UBE2D1: variants seen among roughly 807,000 people sequenced by gnomAD.
UBE2D1 encodes ubiquitin-conjugating enzyme E2 D1.
UBE2D1 carries 9 observed loss-of-function variants against 24.6 expected under a neutral mutation model. That is an observed-to-expected ratio of 0.37 (90% CI 0.22 to 0.64). UBE2D1 has a LOEUF of 0.64. UBE2D1 is among the 30% of genes least tolerant of loss of function. The pLI, the probability that UBE2D1 is intolerant of heterozygous loss-of-function variation, is 0.64. For missense variants in UBE2D1, 87 were observed against 177.1 expected (o/e 0.49, Z 2.89); for synonymous variants, 57 against 57.6 (o/e 0.99, Z 0.04).
intron 1 of UBE2D1, among the ~76,000 whole-genome samples, chr10:58,342,834 G>GTT (rs775705117): frequency 1.4e-3 from 181 of 126,734 alleles, no homozygotes; most frequent in African/African-American, 4.8e-3. Context: ...TTTTTTTTTT[G>GTT]TTTTTTTTTT....
At chr10:58,339,616 G>A (rs1437775095) in intron 1 of UBE2D1, among the ~76,000 whole-genome samples, 1 of 152,074 alleles carries the variant, frequency 6.6e-6, no homozygotes, top group East Asian at 1.9e-4. Context: ...GTATACCCAA[G>A]AGGTAGAAAC....
At chr10:58,368,238 T>C (rs1021593544) in intron 6 of UBE2D1, 36 of 377,370 alleles carry the variant, frequency 9.5e-5, no homozygotes, top group African/African-American at 6.1e-4. Flanking sequence ...ATACTCTGTA[T>C]TTGAAAAATA....
At chr10:58,359,162 A>T (rs987883453) in intron 1 of UBE2D1, among the ~76,000 whole-genome samples, 1 of 151,746 alleles carries the variant, frequency 6.6e-6, no homozygotes, top group Non-Finnish European at 1.5e-5. Context: ...TCCCTGTCAC[A>T]CCCTCCTTCT....
rs557704093 is a variant in UBE2D1 at position 58,357,360 on chromosome 10, G to A, written c.25-3978G>A. 2.6e-5 allele frequency among the ~76,000 whole-genome samples: 4 copies of A among 152,244 alleles called. No homozygotes were observed. In the South Asian group the frequency reaches 8.3e-4, roughly 32 times the overall value. ...GAGAAAGCATAGATCAGGTAGTAAGGCAGTTCCAGAAAAACTTAGAGTAAT... is the reference window on the plus strand; with the variant it reads ...GAGAAAGCATAGATCAGGTAGTAAGACAGTTCCAGAAAAACTTAGAGTAAT... On this transcript the variant is annotated intron_variant, in intron 1 of 6. Transcript: ENST00000373910.
intron 1 of UBE2D1, among the ~76,000 whole-genome samples, chr10:58,344,037 A>G (rs1839989759): frequency 1.3e-5 from 2 of 152,186 alleles, no homozygotes; most frequent in South Asian, 4.1e-4. Flanking sequence ...TAAGTTGTGT[A>G]TAATTTCCTG....
At chr10:58,336,976 G>A (rs1200908672) in intron 1 of UBE2D1, among the ~76,000 whole-genome samples, 1 of 152,154 alleles carries the variant, frequency 6.6e-6, no homozygotes, top group East Asian at 1.9e-4. Flanking sequence ...TTTGTCCACA[G>A]TAAGTGGATA....
intron 1 of UBE2D1, 63 bp from the exon 2 acceptor site, chr10:58,361,275 T>A: frequency 6.5e-7 from 1 of 1,536,262 alleles, no homozygotes; most frequent in Admixed American, 1.7e-5. Flanking sequence ...TCTTAATGGA[T>A]CATTACCCTT....
chr10:58,363,086 G>A (rs1840217933), intron 3 of UBE2D1, among the ~76,000 whole-genome samples: 1 of 151,900 alleles, frequency 6.6e-6, no homozygotes, highest in African/African-American at 2.4e-5. Flanking sequence ...ATTACTAAAC[G>A]AAGATTTGGC....
chr10:58,343,389 A>AGT (rs149785200), intron 1 of UBE2D1, among the ~76,000 whole-genome samples: 14 of 147,820 alleles, frequency 9.5e-5, no homozygotes, highest in East Asian at 7.7e-4. Context: ...AATTTGTTTT[A>AGT]GTGTGTGTGT....
In UBE2D1 at chr10:58,369,168, C is replaced by T. The variant is rs1840287889; in HGVS notation, c.*403C>T. 1 of 153,884 alleles carries T rather than the reference C, an allele frequency of 6.5e-6. No individual in the cohort carries two copies. Among genetic ancestry groups the T allele is most frequent in the Non-Finnish European group, 1.5e-5 (1 of 68,862 alleles). The allele number at this position is 153,884 out of a possible 1,614,324, so 9.5% of individuals were successfully genotyped here. Reference sequence around the variant, plus strand: ...GTATTCAGATTTCATTCTTTGTTAGCTCACTTTATAATTTGTATTTTTTTA... The same window carrying T: ...GTATTCAGATTTCATTCTTTGTTAGTTCACTTTATAATTTGTATTTTTTTA... On this transcript the variant is annotated 3_prime_UTR_variant, in exon 7 of 7. Transcript: ENST00000373910.
rs963010995 is a variant in UBE2D1 at position 58,369,252 on chromosome 10, G to A, written c.*487G>A. On this transcript the variant is annotated 3_prime_UTR_variant, in exon 7 of 7. Coordinates refer to ENST00000373910, the MANE Select transcript of UBE2D1 (RefSeq NM_003338.5). ...TGTCAACTCATTACTTTTTTCCTGT[G>A]AACAGTATTGAAAAACCCCAACGGC... 6.6e-6 allele frequency: 1 copy of A among 152,114 alleles called. No homozygotes were observed. 9.4% of individuals were successfully genotyped at this position (152,114 alleles called of 1,614,324 possible).
At chr10:58,341,018 T>C (rs1839956231) in intron 1 of UBE2D1, among the ~76,000 whole-genome samples, 1 of 152,226 alleles carries the variant, frequency 6.6e-6, no homozygotes, top group Non-Finnish European at 1.5e-5. Flanking sequence ...TCAAATGTGT[T>C]GATTGTGCTT....
Position 58,361,414 on chromosome 10 carries a change from C to G in UBE2D1, c.88+13C>G, listed in dbSNP as rs764495438. Reference sequence around the variant, plus strand: ...GTGGGAGATGACTGTAAGCCTTGCTCTATTTCTGGGATTATGCTACCTTTA... The same window carrying G: ...GTGGGAGATGACTGTAAGCCTTGCTGTATTTCTGGGATTATGCTACCTTTA... On this transcript the variant is annotated intron_variant, in intron 2 of 6. Coordinates refer to ENST00000373910, the MANE Select transcript of UBE2D1 (RefSeq NM_003338.5). The G allele has an allele frequency of 6.2e-7, 1 of 1,614,028 alleles. No homozygotes were observed. Among genetic ancestry groups the G allele is most frequent in the Non-Finnish European group, 8.5e-7 (1 of 1,180,028 alleles).
intron 1 of UBE2D1, among the ~76,000 whole-genome samples, chr10:58,345,107 C>CA (rs1840001927): frequency 6.6e-6 from 1 of 152,010 alleles, no homozygotes; most frequent in Admixed American, 6.5e-5. Context: ...TCAAGTGATC[C>CA]ACCCGCCTTG....
At chr10:58,352,468 A>G (rs976235967) in intron 1 of UBE2D1, among the ~76,000 whole-genome samples, 1 of 145,812 alleles carries the variant, frequency 6.9e-6, no homozygotes, top group Admixed American at 6.8e-5. Flanking sequence ...AAAAAAAATC[A>G]TGGATGTGGC....
chr10:58,370,096 A>T lies in UBE2D1; in HGVS notation c.*1331A>T. ...AAGTTACAAAGGAAGTTCTAAAATTATGCCTCCCTCTGTTTTTATAAGTTG... is the reference window on the plus strand; with the variant it reads ...AAGTTACAAAGGAAGTTCTAAAATTTTGCCTCCCTCTGTTTTTATAAGTTG... On this transcript the variant is annotated 3_prime_UTR_variant, in exon 7 of 7. Coordinates refer to ENST00000373910, the MANE Select transcript of UBE2D1 (RefSeq NM_003338.5). 1.3e-5 allele frequency: 2 copies of T among 151,302 alleles called. No individual in the cohort carries two copies. The highest frequency in any genetic ancestry group is 4.2e-4 in the South Asian group (2 of 4,792). 9.4% of individuals were successfully genotyped at this position (151,302 alleles called of 1,614,324 possible). A position where few individuals can be genotyped will look rare whatever the true frequency, so the allele number is the denominator to read the frequency against.
rs566596442 is a variant in UBE2D1 at position 58,362,943 on chromosome 10, A to G, written c.121-666A>G. On this transcript the variant is annotated intron_variant, in intron 3 of 6. Transcript: ENST00000373910. ...AAAATTTTTTTGCTTGTAATGTTAT[A>G]TTTTCTAATGGCTATAAAGAAACAT... is the stretch of plus-strand genomic sequence containing the variant. 1.3e-4 allele frequency among the ~76,000 whole-genome samples: 20 copies of G among 152,116 alleles called. No individual in the cohort carries two copies. In the South Asian group the frequency reaches 3.5e-3, roughly 27 times the overall value.
intron 1 of UBE2D1, among the ~76,000 whole-genome samples, chr10:58,349,211 T>G (rs974091538): frequency 2.0e-5 from 3 of 152,190 alleles, no homozygotes; most frequent in Admixed American, 2.0e-4. Context: ...ATCATTAATA[T>G]CTTATATTTT....
At chr10:58,366,505 T>C (rs1840257010) in intron 5 of UBE2D1, among the ~76,000 whole-genome samples, 1 of 152,150 alleles carries the variant, frequency 6.6e-6, no homozygotes, top group African/African-American at 2.4e-5. Flanking sequence ...AGGAACTTCC[T>C]TCTTGCTTAC....
Sources: gnomAD v4.1 joint callset for allele counts (sites outside exome capture counted in the v4.1 genomes callset) on GRCh38, gnomAD v4.1.1 for gene constraint, MANE v1.5 for transcripts, NCBI Gene and HGNC (gene_info 2026-07-23, HGNC 2026-07-21) for gene names.